The following EFCAB11 variants were observed in gnomAD, a reference collection of about 807,000 sequenced individuals.
The protein encoded by EFCAB11 is EF-hand calcium binding domain 11, also known as EF-hand calcium-binding domain-containing protein 11.
Under a neutral mutation model 23.0 loss-of-function variants are expected in EFCAB11, and 14 were observed. That is an observed-to-expected ratio of 0.61 (90% CI 0.40 to 0.95). EFCAB11 has a LOEUF of 0.95. EFCAB11 is among the 40% of genes least tolerant of loss of function. The probability of loss-of-function intolerance (pLI) is 0.00; values close to 1 mark genes in which losing one functional copy is unlikely to be tolerated. For synonymous variants in EFCAB11, 65 were observed against 66.6 expected, an observed-to-expected ratio of 0.98 and a Z score of 0.11; for missense variants, 198 against 195.8, an observed-to-expected ratio of 1.01 and a Z score of -0.07.
At chr14:89,843,326 C>T (rs994713240) in intron 5 of EFCAB11, among the ~76,000 whole-genome samples, 2 of 151,062 alleles carry the variant, frequency 1.3e-5, no homozygotes, top group Non-Finnish European at 3.0e-5. Flanking sequence ...TGTATTTTAA[C>T]ATAAACATAT....
intron 5 of EFCAB11, among the ~76,000 whole-genome samples, chr14:89,898,353 G>A (rs1005244678): frequency 1.5e-5 from 2 of 137,140 alleles, no homozygotes; most frequent in African/African-American, 3.2e-5. Context: ...TCTTTTTCTC[G>A]TTTTTGTTTT....
chr14:89,916,593 T>C (rs1055856247), intron 5 of EFCAB11, among the ~76,000 whole-genome samples: 9 of 152,248 alleles, frequency 5.9e-5, no homozygotes, highest in Non-Finnish European at 8.8e-5. Flanking sequence ...ATTCAACACA[T>C]AATTTGAACA....
At chr14:89,940,234 T>C (rs976052980) in intron 3 of EFCAB11, among the ~76,000 whole-genome samples, 4 of 152,168 alleles carry the variant, frequency 2.6e-5, no homozygotes, top group African/African-American at 9.7e-5. Context: ...GTGTATGCAG[T>C]TTCCTGATTA....
chr14:89,864,885 T>C (rs1287171157), intron 5 of EFCAB11, among the ~76,000 whole-genome samples: 3 of 152,224 alleles, frequency 2.0e-5, no homozygotes, highest in Non-Finnish European at 4.4e-5. Flanking sequence ...GAGAGAAGGA[T>C]CCACCCACAG....
intron 5 of EFCAB11, among the ~76,000 whole-genome samples, chr14:89,839,940 C>T (rs1335169192): frequency 2.0e-5 from 3 of 152,168 alleles, no homozygotes; most frequent in Admixed American, 2.0e-4. Flanking sequence ...GCCCCATCTC[C>T]AACACTGGGG....
In EFCAB11 at chr14:89,935,397, G is replaced by GTT. The variant is rs60594341; in HGVS notation, c.218-2772_218-2771dup. Among the ~76,000 whole-genome samples the GTT allele has an allele frequency of 5.2e-3, 708 of 135,768 alleles. 6 individuals are homozygous for GTT. The highest frequency in any genetic ancestry group is 7.6e-3 in the Middle Eastern group (2 of 264). 89.1% of individuals were successfully genotyped at this position (135,768 alleles called of 152,430 possible). On this transcript the variant is annotated intron_variant, in intron 3 of 5. Transcript: ENST00000316738. ...GCAAAAAGCATTAAAATGCATGTGG[G>GTT]TTTTTTTTTTTTTTTTTTCCTAGAG...
At chr14:89,828,502 G>A (rs535319928) in intron 5 of EFCAB11, among the ~76,000 whole-genome samples, 1 of 152,264 alleles carries the variant, frequency 6.6e-6, no homozygotes, top group East Asian at 1.9e-4. Flanking sequence ...AGAGTTCATA[G>A]TGCTTTTCCC....
At position 89,944,896 on chromosome 14, in the gene EFCAB11, T is replaced by A. The variant is rs188163518; in HGVS notation, c.217+5201A>T. Reference sequence around the variant, plus strand: ...AAATATTAGATTTTATTAGATCTAATAATAAATCTAATAAAATATTAGATT... The same window carrying A: ...AAATATTAGATTTTATTAGATCTAAAAATAAATCTAATAAAATATTAGATT... On this transcript the variant is annotated intron_variant, in intron 3 of 5. Transcript: ENST00000316738. Among the ~76,000 whole-genome samples, 316 of 144,766 alleles carry A rather than the reference T, an allele frequency of 2.2e-3. 3 individuals carry two copies. Among genetic ancestry groups the A allele is most frequent in the African/African-American group, 7.4e-3 (294 of 39,624 alleles). 95.0% of individuals were successfully genotyped at this position (144,766 alleles called of 152,430 possible). A position where few individuals can be genotyped will look rare whatever the true frequency, so the allele number is the denominator to read the frequency against.
In EFCAB11 at chr14:89,953,992, C is replaced by A. The variant is rs1412649613; in HGVS notation, c.85G>T (p.Ala29Ser). ...TATCCTTTGTGATCTTCATCACATG[C>A]TTTAAATACCTGAAGAACATTAAAT... The part of the protein sequence containing the change: ...EHRKWVEVFK[A>S]CDEDHKGYLS... The change falls in exon 2 of 6, where the codon GCA becomes TCA. Residue 29 changes from alanine to serine, a missense_variant. Coordinates refer to ENST00000316738, the MANE Select transcript of EFCAB11 (RefSeq NM_145231.4). The A allele has an allele frequency of 1.9e-6, 3 of 1,611,146 alleles. No homozygotes were observed. The highest frequency in any genetic ancestry group is 2.5e-6 in the Non-Finnish European group (3 of 1,178,516).
At chr14:89,800,226 C>A (rs981854040) in intron 5 of EFCAB11, among the ~76,000 whole-genome samples, 1 of 139,740 alleles carries the variant, frequency 7.2e-6, no homozygotes, top group Non-Finnish European at 1.6e-5. Context: ...CAAACAAACG[C>A]ACGCCTGAGA....
At chr14:89,917,072 GTGTGTGTGTGTGTGTGTGTGTGTGTA>G (rs1388242411) in intron 5 of EFCAB11, among the ~76,000 whole-genome samples, 2 of 137,234 alleles carry the variant, frequency 1.5e-5, no homozygotes, top group Non-Finnish European at 3.0e-5. Context: ...GTGTGTGTGT[GTGTGTGTGTGTGTGTGTGTGTGTGTA>G]TGTGTGTGTT....
intron 5 of EFCAB11, among the ~76,000 whole-genome samples, chr14:89,859,437 T>C (rs1344918004): frequency 6.6e-6 from 1 of 152,232 alleles, no homozygotes; most frequent in African/African-American, 2.4e-5. Context: ...GAGGAGAGAC[T>C]TGTGTTTCTC....
Position 89,814,857 on chromosome 14 carries a change from C to T in EFCAB11, c.411-17533G>A, listed in dbSNP as rs370788114. 5.9e-5 allele frequency among the ~76,000 whole-genome samples: 9 copies of T among 152,226 alleles called. No homozygotes were observed. The East Asian group carries it at 9.6e-4, about 16-fold the overall frequency. ...TGCCCAGCTAATAACTCTGGGCTTT[C>T]GGAGATTTTGAGGGTCTTTGCCAAA... On this transcript the variant is annotated intron_variant, in intron 5 of 5. Transcript: ENST00000316738.
intron 5 of EFCAB11, among the ~76,000 whole-genome samples, chr14:89,844,889 C>A (rs1464224996): frequency 6.6e-6 from 1 of 151,836 alleles, no homozygotes; most frequent in Non-Finnish European, 1.5e-5. Flanking sequence ...TTCTGGAACA[C>A]TATGAGGTAG....
In EFCAB11 at chr14:89,825,758, GAGAA is replaced by G. The variant is rs1174351318; in HGVS notation, c.411-28438_411-28435del. On this transcript the variant is annotated intron_variant, in intron 5 of 5. Transcript: ENST00000316738. ...ATTTCTCGAAAAAAAAAGAGAAAGA[GAGAA>G]AGAGAGCGAGTGCAAGTGTGAGATG... is the stretch of plus-strand genomic sequence containing the variant. Among the ~76,000 whole-genome samples, 3 of 152,204 alleles carry G rather than the reference GAGAA, an allele frequency of 2.0e-5. No homozygotes were observed. The East Asian group carries it at 5.8e-4, about 29-fold the overall frequency.
chr14:89,947,393 A>G (rs963441755), intron 3 of EFCAB11, among the ~76,000 whole-genome samples: 2 of 152,192 alleles, frequency 1.3e-5, no homozygotes, highest in African/African-American at 4.8e-5. Flanking sequence ...CCATTTAAAT[A>G]GAAACAAGAA....
At chr14:89,810,206 G>A (rs957170439) in intron 5 of EFCAB11, among the ~76,000 whole-genome samples, 2 of 152,216 alleles carry the variant, frequency 1.3e-5, no homozygotes, top group Admixed American at 6.5e-5. Flanking sequence ...AATAAGTATC[G>A]GCTGAACATA....
rs115161891 is a variant in EFCAB11, at chr14:89,859,680, T to C, written c.411-62356A>G. ...AGGTGCTAGGTGCCAGGGATGCCAC[T>C]GTATGCCAAAAAAACAGGTAGCCTG... On this transcript the variant is annotated intron_variant, in intron 5 of 5. Coordinates refer to ENST00000316738, the MANE Select transcript of EFCAB11 (RefSeq NM_145231.4). Among the ~76,000 whole-genome samples, 838 of 152,198 alleles carry C rather than the reference T, an allele frequency of 5.5e-3. 9 individuals carry two copies. The highest frequency in any genetic ancestry group is 0.019 in the African/African-American group (795 of 41,524).
intron 2 of EFCAB11, chr14:89,952,672 T>A (rs1891214115): frequency 1.1e-6 from 1 of 937,398 alleles, no homozygotes; most frequent in African/African-American, 1.8e-5. Context: ...AGTAAGTATG[T>A]TCTGTTGACA....
Sources: gnomAD v4.1 joint callset for allele counts (sites outside exome capture counted in the v4.1 genomes callset) on GRCh38, gnomAD v4.1.1 for gene constraint, MANE v1.5 for transcripts, NCBI Gene and HGNC (gene_info 2026-07-23, HGNC 2026-07-21) for gene names.